Variants in GPC5 observed in about 807,000 individuals in gnomAD.
GPC5 encodes the protein glypican 5.
In GPC5, 47 loss-of-function variants were observed where a neutral mutation model predicts 53.9. That is an observed-to-expected ratio of 0.87 (90% CI 0.69 to 1.11). The LOEUF (loss-of-function observed/expected upper bound fraction) is 1.11, where lower values mean the gene tolerates loss of function less well. Ranked by LOEUF, GPC5 falls within the 50% of genes most tolerant of loss-of-function variation. The pLI is 0.00. For synonymous variants in GPC5, 286 were observed against 263.3 expected (o/e 1.09, Z -0.84); for missense variants, 748 against 713.1 (o/e 1.05, Z -0.56).
At chr13:92,739,719 GA>G (rs141615200) in intron 7 of GPC5, among the ~76,000 whole-genome samples, 8 of 126,246 alleles carry the variant, frequency 6.3e-5, no homozygotes, top group East Asian at 4.2e-4. Flanking sequence ...AAAAAAAAAA[GA>G]AAAAAAAAGA....
At chr13:92,844,536 A>AATG (rs1555317639) in intron 7 of GPC5, among the ~76,000 whole-genome samples, 2 of 149,746 alleles carry the variant, frequency 1.3e-5, no homozygotes, top group Admixed American at 1.3e-4. Context: ...TACAGGAAAA[A>AATG]TGTGTGTGTG....
chr13:91,492,103 G>T (rs1302505646), intron 2 of GPC5, among the ~76,000 whole-genome samples: 1 of 152,128 alleles, frequency 6.6e-6, no homozygotes, highest in Non-Finnish European at 1.5e-5. Context: ...CACTTGGTTG[G>T]AAAGTTATTT....
chr13:91,652,238 G>A (rs976177725), intron 2 of GPC5, among the ~76,000 whole-genome samples: 3 of 152,050 alleles, frequency 2.0e-5, no homozygotes, highest in East Asian at 1.9e-4. Flanking sequence ...ATGCTCTGTG[G>A]CTATACCTTT....
Position 91,984,499 on chromosome 13 carries a change from C to T in GPC5, c.1401+76442C>T, listed in dbSNP as rs988192317. On this transcript the variant is annotated intron_variant, in intron 6 of 7. Coordinates refer to ENST00000377067, the MANE Select transcript of GPC5 (RefSeq NM_004466.6). Reference sequence around the variant, plus strand: ...ATCCTAAGGTCTAATTAGGGTTGTACTGCAAAGAGCACGCTCACGTGGACA... The same window carrying T: ...ATCCTAAGGTCTAATTAGGGTTGTATTGCAAAGAGCACGCTCACGTGGACA... 3.9e-5 allele frequency among the ~76,000 whole-genome samples: 6 copies of T among 152,264 alleles called. No individual in the cohort carries two copies. The East Asian group carries it at 9.7e-4, about 25-fold the overall frequency.
chr13:92,310,212 T>C (rs78697372), intron 7 of GPC5, among the ~76,000 whole-genome samples: 2 of 152,136 alleles, frequency 1.3e-5, no homozygotes, highest in East Asian at 1.9e-4. Flanking sequence ...ATCTTGGCTA[T>C]TGTGAATATA....
At chr13:92,155,041 A>G (rs2041933770) in intron 7 of GPC5, among the ~76,000 whole-genome samples, 2 of 152,166 alleles carry the variant, frequency 1.3e-5, no homozygotes. Flanking sequence ...GTCACATATC[A>G]TATCTGCCAC....
chr13:92,054,001 C>T (rs11070009), intron 6 of GPC5, among the ~76,000 whole-genome samples: 55,851 of 151,000 alleles, frequency 0.37, 11,208 homozygotes, highest in Admixed American at 0.47. Context: ...CACTGCACTC[C>T]AGCCTGGGCA....
intron 1 of GPC5, among the ~76,000 whole-genome samples, chr13:91,420,891 A>G (rs1465476791): frequency 2.0e-5 from 3 of 152,248 alleles, no homozygotes; most frequent in Admixed American, 6.5e-5. Flanking sequence ...CTGTGAGTCA[A>G]TTAAACTTGT....
chr13:92,359,824 A>G (rs1417882840), intron 7 of GPC5, among the ~76,000 whole-genome samples: 2 of 151,842 alleles, frequency 1.3e-5, no homozygotes, highest in South Asian at 2.1e-4. Context: ...CCATGATTCA[A>G]TCACCTCCCA....
intron 1 of GPC5, among the ~76,000 whole-genome samples, chr13:91,410,223 T>A (rs893297231): frequency 6.6e-6 from 1 of 152,140 alleles, no homozygotes; most frequent in Non-Finnish European, 1.5e-5. Flanking sequence ...ACAGTAATAG[T>A]CTCTACAAAT....
chr13:92,311,528 G>A (rs778920889), intron 7 of GPC5, among the ~76,000 whole-genome samples: 65 of 152,174 alleles, frequency 4.3e-4, no homozygotes, highest in Admixed American at 1.0e-3. Context: ...AATTTATAAA[G>A]GAAAGAAGTT....
chr13:92,833,616 A>G (rs931079278), intron 7 of GPC5, among the ~76,000 whole-genome samples: 42 of 152,334 alleles, frequency 2.8e-4, no homozygotes, highest in African/African-American at 9.4e-4. Flanking sequence ...CAGAGCTGAT[A>G]CAGATACTAT....
chr13:92,270,464 C>A (rs548083298), intron 7 of GPC5, among the ~76,000 whole-genome samples: 1 of 152,304 alleles, frequency 6.6e-6, no homozygotes, highest in Non-Finnish European at 1.5e-5. Context: ...CCTTCACTTT[C>A]TGCCGTGATT....
intron 7 of GPC5, among the ~76,000 whole-genome samples, chr13:92,309,440 G>T (rs552148990): frequency 2.0e-5 from 3 of 152,192 alleles, no homozygotes; most frequent in African/African-American, 7.2e-5. Flanking sequence ...AAATTTGAAT[G>T]TGTTTACTCA....
chr13:91,967,316 A>G (rs368951090), intron 6 of GPC5, among the ~76,000 whole-genome samples: 7 of 152,278 alleles, frequency 4.6e-5, no homozygotes, highest in African/African-American at 9.6e-5. Context: ...ACAATTCAAG[A>G]TAAGATTTGG....
intron 7 of GPC5, among the ~76,000 whole-genome samples, chr13:92,504,082 A>G (rs780822794): frequency 3.3e-5 from 5 of 151,980 alleles, no homozygotes; most frequent in African/African-American, 4.8e-5. Flanking sequence ...GGAAGAAATT[A>G]AACTGTGTTT....
At position 91,434,504 on chromosome 13, in the gene GPC5, A is replaced by G. The variant is rs370103756; in HGVS notation, c.164-14257A>G. Among the ~76,000 whole-genome samples the G allele has an allele frequency of 3.9e-5, 6 of 152,156 alleles. No homozygotes were observed. In the East Asian group the frequency reaches 9.6e-4, roughly 24 times the overall value. Reference sequence around the variant, plus strand: ...TTTTGTCAGGTTTGTCAAAGATCAGATGGTTGTAGATGTGTGTTGTTATTT... The same window carrying G: ...TTTTGTCAGGTTTGTCAAAGATCAGGTGGTTGTAGATGTGTGTTGTTATTT... On this transcript the variant is annotated intron_variant, in intron 1 of 7. Transcript: ENST00000377067.
chr13:92,019,518 C>A (rs2040738078), intron 6 of GPC5, among the ~76,000 whole-genome samples: 1 of 152,030 alleles, frequency 6.6e-6, no homozygotes. Flanking sequence ...CAAATTCATG[C>A]AGAATATAAT....
intron 6 of GPC5, among the ~76,000 whole-genome samples, chr13:91,934,990 G>A (rs1179861118): frequency 6.6e-6 from 1 of 151,980 alleles, no homozygotes; most frequent in Non-Finnish European, 1.5e-5. Context: ...GTTTTAAGCT[G>A]AGGGGTATGT....
Sources: allele counts gnomAD v4.1 joint callset (sites outside exome capture counted in the v4.1 genomes callset), GRCh38; gene constraint gnomAD v4.1.1; transcripts MANE v1.5; gene names NCBI Gene and HGNC (gene_info 2026-07-23, HGNC 2026-07-21).